Variants in CDIN1 observed in about 807,000 individuals in gnomAD.
CDIN1 encodes the protein CDAN1 interacting nuclease 1.
CDIN1 carries 33 observed loss-of-function variants against 45.3 expected under a neutral mutation model. The observed-to-expected ratio is 0.73, with a 90% CI of 0.55 to 0.97. The LOEUF (loss-of-function observed/expected upper bound fraction) is 0.97. CDIN1 is among the 50% of genes least tolerant of loss of function. The pLI is 0.00. For missense variants in CDIN1, 303 were observed against 339.4 expected, an observed-to-expected ratio of 0.89 and a Z score of 0.84; for synonymous variants, 118 against 124.4, an observed-to-expected ratio of 0.95 and a Z score of 0.34.
chr15:36,644,786 A>G (rs1399974454), intron 2 of CDIN1, among the ~76,000 whole-genome samples: 3 of 152,192 alleles, frequency 2.0e-5, no homozygotes, highest in Non-Finnish European at 4.4e-5. Context: ...TAGTTTTCAA[A>G]TAAGTTGTTT....
chr15:36,703,408 A>G (rs2042744510), intron 8 of CDIN1, among the ~76,000 whole-genome samples: 3 of 120,706 alleles, frequency 2.5e-5, no homozygotes, highest in Non-Finnish European at 5.2e-5. Context: ...TATATGATAT[A>G]CATATATATC....
chr15:36,652,847 G>T (rs1410621978), intron 3 of CDIN1, among the ~76,000 whole-genome samples: 2 of 152,096 alleles, frequency 1.3e-5, no homozygotes, highest in Non-Finnish European at 2.9e-5. Context: ...CAGTTATATG[G>T]AAGACCTCAC....
intron 1 of CDIN1, among the ~76,000 whole-genome samples, chr15:36,598,924 G>A (rs1194496115): frequency 6.6e-6 from 1 of 152,088 alleles, no homozygotes; most frequent in Non-Finnish European, 1.5e-5. Flanking sequence ...TGAATTAATT[G>A]TGAGATCCTT....
intron 1 of CDIN1, chr15:36,613,670 C>T (rs1244351428): frequency 1.4e-6 from 2 of 1,445,616 alleles, no homozygotes; most frequent in African/African-American, 1.4e-5. Flanking sequence ...GGACCGTGCT[C>T]AGGAGCGCCT....
At chr15:36,609,730 G>C (rs1195623362) in intron 1 of CDIN1, among the ~76,000 whole-genome samples, 2 of 152,224 alleles carry the variant, frequency 1.3e-5, no homozygotes, top group Non-Finnish European at 2.9e-5. Flanking sequence ...GGCTTCCAAA[G>C]CCAGTTTTGC....
chr15:36,691,199 CT>C (rs754234716), intron 5 of CDIN1: 8 of 518,206 alleles, frequency 1.5e-5, no homozygotes, highest in Non-Finnish European at 3.1e-5. Context: ...TTAGAAGATT[CT>C]TTCATGGCTG....
chr15:36,723,950 T>G (rs2043528670), intron 10 of CDIN1, among the ~76,000 whole-genome samples: 1 of 152,252 alleles, frequency 6.6e-6, no homozygotes, highest in Non-Finnish European at 1.5e-5. Context: ...TAATAATAGC[T>G]AACACTGAAC....
rs762311900 is a variant in CDIN1, at chr15:36,654,142, T to C, written c.257T>C (p.Leu86Pro). The change falls in exon 4 of 11, where the codon CTG becomes CCG. Residue 86 changes from leucine (L) to proline (P), a missense_variant. Physicochemically the swap from Leu to Pro is moderately conservative, Grantham distance 98. Transcript: ENST00000566621. ...AAAAATGGAGCTGCCCCAGTGCTCC[T>C]GGACCTGGCCAATGAGGTAATGTTA... is the stretch of plus-strand genomic sequence containing the variant. ...VVKNGAAPVL[L>P]DLANEVDYAP... 8.9e-6 allele frequency: 14 copies of C among 1,574,666 alleles called. No homozygotes were observed. The highest frequency in any genetic ancestry group is 3.7e-5 in the Admixed American group (2 of 54,354).
chr15:36,761,709 G>A (rs2053767832), intron 10 of CDIN1, among the ~76,000 whole-genome samples: 1 of 152,246 alleles, frequency 6.6e-6, no homozygotes, highest in South Asian at 2.1e-4. Flanking sequence ...TGCAGACAGC[G>A]AGGCATCTTC....
chr15:36,762,542 G>A (rs1317853708), intron 10 of CDIN1, among the ~76,000 whole-genome samples: 1 of 152,088 alleles, frequency 6.6e-6, no homozygotes, highest in African/African-American at 2.4e-5. Context: ...TGTGCACAAC[G>A]TGCAGGTTAG....
chr15:36,664,953 A>G (rs2041192502), intron 5 of CDIN1, among the ~76,000 whole-genome samples: 1 of 152,226 alleles, frequency 6.6e-6, no homozygotes, highest in Non-Finnish European at 1.5e-5. Flanking sequence ...TTAGTTAACA[A>G]ACTTTTAAAG....
At chr15:36,799,525 TTAAAGGGCTGATGTGAA>T (rs1223160270) in intron 10 of CDIN1, 3 of 152,190 alleles carry the variant, frequency 2.0e-5, no homozygotes, top group Non-Finnish European at 2.9e-5. Context: ...TGGAGAAAGT[TTAAAGGGCTGATGTGAA>T]TAAATACAAC....
intron 1 of CDIN1, chr15:36,613,568 C>G: frequency 6.7e-7 from 1 of 1,494,876 alleles, no homozygotes; most frequent in Admixed American, 1.7e-5. Flanking sequence ...GCGCCTCCAG[C>G]AAGAAGTTGA....
At chr15:36,747,974 T>C (rs1395175959) in intron 10 of CDIN1, among the ~76,000 whole-genome samples, 2 of 152,158 alleles carry the variant, frequency 1.3e-5, no homozygotes, top group Non-Finnish European at 2.9e-5. Context: ...AGGGAAATAG[T>C]CTAGAAGTTA....
chr15:36,716,847 G>A (rs2043231577), intron 10 of CDIN1, among the ~76,000 whole-genome samples: 1 of 152,204 alleles, frequency 6.6e-6, no homozygotes, highest in African/African-American at 2.4e-5. Context: ...TACAGGCACT[G>A]TGTTAGGCAG....
intron 10 of CDIN1, among the ~76,000 whole-genome samples, chr15:36,725,346 A>G (rs1194961783): frequency 6.7e-6 from 1 of 148,792 alleles, no homozygotes; most frequent in Admixed American, 6.7e-5. Context: ...AGTTACCATC[A>G]AGCTGAAACC....
At chr15:36,742,265 C>T (rs994520589) in intron 10 of CDIN1, among the ~76,000 whole-genome samples, 12 of 152,166 alleles carry the variant, frequency 7.9e-5, no homozygotes, top group South Asian at 2.1e-4. Context: ...TCTATAAATA[C>T]ATAAAATAGA....
chr15:36,616,091 T>A (rs1280236482), intron 1 of CDIN1, among the ~76,000 whole-genome samples: 1 of 152,118 alleles, frequency 6.6e-6, no homozygotes, highest in African/African-American at 2.4e-5. Flanking sequence ...TTCTTCTCAT[T>A]ATCTGGAATT....
At chr15:36,687,581 T>A (rs975271552) in intron 5 of CDIN1, among the ~76,000 whole-genome samples, 2 of 152,110 alleles carry the variant, frequency 1.3e-5, no homozygotes, top group African/African-American at 2.4e-5. Context: ...GAATTCAGTG[T>A]ATAACAACTG....
Sources: gnomAD v4.1 joint callset for allele counts (sites outside exome capture counted in the v4.1 genomes callset) on GRCh38, gnomAD v4.1.1 for gene constraint, MANE v1.5 for transcripts, NCBI Gene and HGNC (gene_info 2026-07-23, HGNC 2026-07-21) for gene names.